C4orf51: variants seen among roughly 807,000 people sequenced by gnomAD.
C4orf51 encodes the protein chromosome 4 open reading frame 51.
C4orf51 carries 25 observed loss-of-function variants against 25.2 expected under a neutral mutation model. That is an observed-to-expected ratio of 0.99 (90% CI 0.72 to 1.39). C4orf51 has a LOEUF of 1.39. Among genes scored for constraint, C4orf51 ranks in the 40% most tolerant of loss-of-function variants. The pLI is 0.00. For synonymous variants in C4orf51, 100 were observed against 84.5 expected, an observed-to-expected ratio of 1.18 and a Z score of -1.01; for missense variants, 252 against 239.6, an observed-to-expected ratio of 1.05 and a Z score of -0.34.
In C4orf51 at chr4:145,762,273, C is replaced by G. The variant is rs1421241910; in HGVS notation, n.167-8715C>G. ...CTTTGTCAGGAAAGGAAGCTGAGGA[C>G]TATGGCAGGGGCATGGGAGGAGAAG... On this transcript the variant is annotated intron_variant and non_coding_transcript_variant, in intron 1 of 1. Coordinates refer to the C4orf51 transcript ENST00000510096. This position sits in a 1 kb window ranked among gnomAD's most constrained non-coding sequence, Gnocchi z 4.9. Among the ~76,000 whole-genome samples the G allele has an allele frequency of 6.6e-6, 1 of 152,064 alleles. No homozygotes were observed. The highest frequency in any genetic ancestry group is 2.4e-5 in the African/African-American group (1 of 41,380).
downstream of C4orf51, chr4:145,775,801 G>T (rs1304036393): frequency 6.2e-7 from 1 of 1,614,048 alleles, no homozygotes; most frequent in African/African-American, 1.3e-5. Flanking sequence ...GTAATAATAA[G>T]GATGTTTCTT....
At chr4:145,701,665 C>A (rs552308427) in intron 2 of C4orf51, among the ~76,000 whole-genome samples, 4 of 151,628 alleles carry the variant, frequency 2.6e-5, no homozygotes, top group Admixed American at 2.6e-4. Flanking sequence ...TTAATCAATA[C>A]GGAGGCTACC....
chr4:145,765,436 T>C lies in C4orf51; in HGVS notation n.167-5552T>C. ...TTTAGGTGAGGCCCAGCATACTGCA[T>C]CCTGGGCCTATTATCAGTTTTTGAC... On this transcript the variant is annotated intron_variant and non_coding_transcript_variant, in intron 1 of 1. Transcript: ENST00000510096. The surrounding 1 kb of genome is among the most constrained non-coding windows in gnomAD (Gnocchi z 4.7). 2 of 1,316,876 alleles carry C rather than the reference T, an allele frequency of 1.5e-6. No individual in the cohort carries two copies. Among genetic ancestry groups the C allele is most frequent in the Admixed American group, 5.2e-5 (2 of 38,318 alleles). The allele number at this position is 1,316,876 out of a possible 1,614,324, so 81.6% of individuals were successfully genotyped here.
intron 1 of C4orf51, among the ~76,000 whole-genome samples, chr4:145,740,690 C>T (rs1733051862): frequency 6.6e-6 from 1 of 152,202 alleles, no homozygotes. Context: ...ATTTTCACTT[C>T]TTCTGGATTT....
At chr4:145,759,604 A>C (rs115821972) in intron 1 of C4orf51, 1 of 152,166 alleles carries the variant, frequency 6.6e-6, no homozygotes, top group Non-Finnish European at 1.5e-5. Flanking sequence ...GCGTCATTAT[A>C]TGTCAAAGAG....
chr4:145,738,459 C>CATATATATATATAT (rs58754234), intron 1 of C4orf51, among the ~76,000 whole-genome samples: 1 of 146,650 alleles, frequency 6.8e-6, no homozygotes, highest in Non-Finnish European at 1.5e-5. Flanking sequence ...CGAAAAAAAA[C>CATATATATATATAT]ATATATATAT....
At chr4:145,710,460 G>A (rs1424261711) in intron 2 of C4orf51, among the ~76,000 whole-genome samples, 1 of 151,928 alleles carries the variant, frequency 6.6e-6, no homozygotes, top group Non-Finnish European at 1.5e-5. Context: ...CATGTGCAGT[G>A]GCCTGCTAAT....
chr4:145,690,659 T>C (rs1423648059), intron 1 of C4orf51, among the ~76,000 whole-genome samples: 2 of 152,086 alleles, frequency 1.3e-5, no homozygotes, highest in Non-Finnish European at 2.9e-5. Flanking sequence ...ACAGAGCTTC[T>C]GCATAGCCGA....
rs1730628122 is a variant in C4orf51, at chr4:145,703,912, T to G, written c.307+7280T>G. 2.0e-5 allele frequency among the ~76,000 whole-genome samples: 3 copies of G among 152,238 alleles called. No individual in the cohort carries two copies. In the South Asian group the frequency reaches 6.2e-4, roughly 31 times the overall value. On this transcript the variant is annotated intron_variant, in intron 2 of 5. Coordinates refer to ENST00000438731, the MANE Select transcript of C4orf51 (RefSeq NM_001080531.3). Reference sequence around the variant, plus strand: ...AAAGCTTTGGTAAAAATCACTGATGTGAGGCAGAGTGATTAATAAAAGAAA... The same window carrying G: ...AAAGCTTTGGTAAAAATCACTGATGGGAGGCAGAGTGATTAATAAAAGAAA...
At chr4:145,749,434 T>A (rs939680580) in intron 1 of C4orf51, among the ~76,000 whole-genome samples, 1 of 152,146 alleles carries the variant, frequency 6.6e-6, no homozygotes, top group African/African-American at 2.4e-5. Context: ...TGAGGATTTA[T>A]TCCTGTCATT....
chr4:145,701,235 T>TAA (rs778319650), intron 2 of C4orf51, among the ~76,000 whole-genome samples: 59,971 of 148,754 alleles, frequency 0.4, 12,758 homozygotes, highest in African/African-American at 0.54. Context: ...TGTACAATAA[T>TAA]AAAAAAAAAA....
chr4:145,753,140 TTGTGTGTGTGTGTGTGTG>T (rs57325282), intron 1 of C4orf51, among the ~76,000 whole-genome samples: 6 of 145,752 alleles, frequency 4.1e-5, no homozygotes, highest in African/African-American at 1.0e-4. Context: ...TATGAAGGTT[TTGTGTGTGTGTGTGTGTG>T]TGTGTGTGTG....
intron 5 of C4orf51, among the ~76,000 whole-genome samples, chr4:145,730,294 G>T (rs3935131): frequency 0.16 from 24,476 of 152,034 alleles, 2,211 homozygotes; most frequent in East Asian, 0.38. Context: ...TTGTGAAAAA[G>T]AGAGTTCTCA....
chr4:145,732,816 T>A, downstream of C4orf51: 1 of 306,064 alleles, frequency 3.3e-6, no homozygotes, highest in Non-Finnish European at 6.0e-6. Flanking sequence ...ACCACATTTC[T>A]CTGCTAGAAC....
rs563115704 is a variant in C4orf51, at chr4:145,696,581, G to A, written c.256G>A (p.Ala86Thr). ...TAGGATGTCATTGACAAACAGTTCTGCCTGTCATCTTCTCTGCTGGGCTGG... is the reference window on the plus strand; with the variant it reads ...TAGGATGTCATTGACAAACAGTTCTACCTGTCATCTTCTCTGCTGGGCTGG... ...CKQMSLTNSS[A>T]CHLLCWAGTQ... The change falls in exon 2 of 6, where the codon GCC (alanine) becomes ACC (threonine). Residue 86 changes from alanine (A) to threonine (T), a missense_variant. Coordinates refer to ENST00000438731, the MANE Select transcript of C4orf51 (RefSeq NM_001080531.3). The A allele has an allele frequency of 2.5e-5, 41 of 1,613,662 alleles. No individual in the cohort carries two copies. In the South Asian group the frequency reaches 4.2e-4, roughly 16 times the overall value.
Position 145,763,139 on chromosome 4 carries a change from A to T in C4orf51, n.167-7849A>T. 6.5e-7 allele frequency: 1 copy of T among 1,536,044 alleles called. No individual in the cohort carries two copies. The highest frequency in any genetic ancestry group is 8.7e-7 in the Non-Finnish European group (1 of 1,146,802). On this transcript the variant is annotated intron_variant and non_coding_transcript_variant, in intron 1 of 1. Transcript: ENST00000510096. The surrounding 1 kb of genome is among the most constrained non-coding windows in gnomAD (Gnocchi z 4.6). The stretch of plus-strand genomic sequence containing the variant: ...TGTCCTGAGCTACGGCAAAAGAAAA[A>T]TAATAGTATAATCTTATTTGATCTG...
chr4:145,739,771 T>C (rs917153463), intron 1 of C4orf51, among the ~76,000 whole-genome samples: 4 of 152,206 alleles, frequency 2.6e-5, no homozygotes, highest in Admixed American at 2.6e-4. Flanking sequence ...ATATGCAGCC[T>C]GTATAATCTG....
At chr4:145,716,652 T>G (rs2126738368) in intron 2 of C4orf51, among the ~76,000 whole-genome samples, 1 of 152,328 alleles carries the variant, frequency 6.6e-6, no homozygotes, top group African/African-American at 2.4e-5. Context: ...AATGCCCATT[T>G]GTGGTGGGAT....
intron 1 of C4orf51, among the ~76,000 whole-genome samples, chr4:145,694,980 T>C (rs1299137995): frequency 6.6e-6 from 1 of 152,174 alleles, no homozygotes; most frequent in Non-Finnish European, 1.5e-5. Context: ...AGTCCAACTG[T>C]AGTTTATTTA....
Sources: gnomAD v4.1 joint callset for allele counts (sites outside exome capture counted in the v4.1 genomes callset) on GRCh38, gnomAD v4.1.1 for gene constraint, Gnocchi (gnomAD v3.1) non-coding constraint, MANE v1.5 for transcripts, NCBI Gene and HGNC (gene_info 2026-07-23, HGNC 2026-07-21) for gene names.